Variants in PCDHGB2 observed in about 807,000 individuals in gnomAD.
PCDHGB2 encodes the protein protocadherin gamma-B2.
Under a neutral mutation model 59.3 loss-of-function variants are expected in PCDHGB2, and 55 were observed. That is an observed-to-expected ratio of 0.93 (90% CI 0.75 to 1.16). PCDHGB2 has a LOEUF of 1.16. Ranked by LOEUF, PCDHGB2 falls within the 50% of genes most tolerant of loss-of-function variation. The probability of loss-of-function intolerance (pLI) is 0.00; values close to 1 mark genes in which losing one functional copy is unlikely to be tolerated. For synonymous variants in PCDHGB2, 516 were observed against 512.0 expected, an observed-to-expected ratio of 1.01 and a Z score of -0.11; for missense variants, 1,228 against 1,198.5, an observed-to-expected ratio of 1.02 and a Z score of -0.36.
chr5:141,405,265 C>T lies in PCDHGB2; in HGVS notation c.2421+42709C>T, dbSNP rs769240639. The T allele has an allele frequency of 4.3e-6, 7 of 1,614,106 alleles. No homozygotes were observed. In the Admixed American group the frequency reaches 1.2e-4, roughly 27 times the overall value. Reference sequence around the variant, plus strand: ...CAAGGAAGAGTCACCTGATCTTCCCCCAGCCCAACTATGCAGACACACTCA... The same window carrying T: ...CAAGGAAGAGTCACCTGATCTTCCCTCAGCCCAACTATGCAGACACACTCA... On this transcript the variant is annotated intron_variant, in intron 1 of 3. Coordinates refer to ENST00000522605, the MANE Select transcript of PCDHGB2 (RefSeq NM_018923.3).
At chr5:141,411,189 T>C (rs1222862554) in intron 1 of PCDHGB2, 1 of 152,208 alleles carries the variant, frequency 6.6e-6, no homozygotes, top group Non-Finnish European at 1.5e-5. Context: ...TCTTGGCATC[T>C]AAGAAAACAA....
At chr5:141,421,434 C>T (rs1247535353) in intron 1 of PCDHGB2, 1 of 1,613,980 alleles carries the variant, frequency 6.2e-7, no homozygotes, top group Non-Finnish European at 8.5e-7. Context: ...GCATCGTCTC[C>T]AGAGGGAAGA....
At chr5:141,370,986 G>A in intron 1 of PCDHGB2, 2 of 1,613,992 alleles carry the variant, frequency 1.2e-6, no homozygotes, top group Non-Finnish European at 1.7e-6. Context: ...AGTACTGAAA[G>A]CACCCCTGGA....
At chr5:141,415,255 A>G (rs908329007) in intron 1 of PCDHGB2, 1 of 1,613,620 alleles carries the variant, frequency 6.2e-7, no homozygotes, top group African/African-American at 1.3e-5. Context: ...CTCAGACCTC[A>G]CTCTGTACCT....
intron 1 of PCDHGB2, chr5:141,390,229 C>T (rs781367582): frequency 6.2e-7 from 1 of 1,614,056 alleles, no homozygotes; most frequent in South Asian, 1.1e-5. Flanking sequence ...TGCGGTGATT[C>T]ATCTGGGGCC....
At position 141,476,002 on chromosome 5, in the gene PCDHGB2, C is replaced by A; in HGVS notation, c.2422-18805C>A. 1 of 1,247,396 alleles carries A rather than the reference C, an allele frequency of 8.0e-7. No individual in the cohort carries two copies. Among genetic ancestry groups the A allele is most frequent in the Non-Finnish European group, 1.1e-6 (1 of 904,880 alleles). 77.3% of individuals were successfully genotyped at this position (1,247,396 alleles called of 1,614,324 possible). ...AGCCGGCGAGCAAATCAACGGCATC[C>A]AGAAAGCCATGTCGGACTCGGCGCC... On this transcript the variant is annotated intron_variant, in intron 1 of 3. Transcript: ENST00000522605. This position sits in a 1 kb window ranked among gnomAD's most constrained non-coding sequence, Gnocchi z 7.6.
intron 1 of PCDHGB2, chr5:141,430,569 G>A (rs1252716330): frequency 4.5e-6 from 2 of 439,930 alleles, no homozygotes; most frequent in African/African-American, 4.1e-5. Flanking sequence ...GGAGAGAAAA[G>A]CGGAGATCCT....
chr5:141,507,023 C>T (rs971356315), intron 3 of PCDHGB2: 16 of 152,348 alleles, frequency 1.1e-4, no homozygotes, highest in African/African-American at 2.4e-4. Flanking sequence ...AAGGCACTTG[C>T]CCCAGGGTCC....
In PCDHGB2 at chr5:141,490,442, A is replaced by T. The variant is rs757900187; in HGVS notation, c.2422-4365A>T. On this transcript the variant is annotated intron_variant, in intron 1 of 3. Transcript: ENST00000522605. The surrounding 1 kb of genome is among the most constrained non-coding windows in gnomAD (Gnocchi z 5.4). ...CTGCCATTTCAGATTAAGCCTTCTG[A>T]GAACCACTACTCGCTGCTAACCAGC... 16 of 1,614,092 alleles carry T rather than the reference A, an allele frequency of 9.9e-6. No individual in the cohort carries two copies. Among genetic ancestry groups the T allele is most frequent in the Non-Finnish European group, 1.2e-5 (14 of 1,180,044 alleles).
chr5:141,366,006 C>A lies in PCDHGB2; in HGVS notation c.2421+3450C>A, dbSNP rs760966863. The A allele has an allele frequency of 4.3e-6, 7 of 1,614,122 alleles. No homozygotes were observed. The highest frequency in any genetic ancestry group is 5.9e-6 in the Non-Finnish European group (7 of 1,180,046). On this transcript the variant is annotated intron_variant, in intron 1 of 3. Transcript: ENST00000522605. Reference sequence around the variant, plus strand: ...TTTGTGCTGGACCAGAACGACAATACGCCTGAGATCCTGTACCCCGCCCTC... The same window carrying A: ...TTTGTGCTGGACCAGAACGACAATAAGCCTGAGATCCTGTACCCCGCCCTC...
intron 1 of PCDHGB2, among the ~76,000 whole-genome samples, chr5:141,455,570 A>T (rs181469693): frequency 2.6e-5 from 4 of 152,222 alleles, no homozygotes; most frequent in Non-Finnish European, 5.9e-5. Context: ...TGGCCCTCCC[A>T]CCCCAGCCTT....
chr5:141,464,680 A>T (rs747974832), intron 1 of PCDHGB2, among the ~76,000 whole-genome samples: 1 of 152,144 alleles, frequency 6.6e-6, no homozygotes, highest in African/African-American at 2.4e-5. Context: ...TTTTAATTAA[A>T]ATTTCTCTTA....
chr5:141,457,701 G>A (rs1341216514), intron 1 of PCDHGB2, among the ~76,000 whole-genome samples: 1 of 152,222 alleles, frequency 6.6e-6, no homozygotes, highest in Admixed American at 6.5e-5. Context: ...TGGCTTTGAT[G>A]AAACACTGTT....
rs767291767 is a variant in PCDHGB2, at chr5:141,487,668, T to C, written c.2422-7139T>C. ...CTTGAGGGTTATTCTGATCCAGGCA[T>C]ATGGCTAGGCCATGTCCTAGAGAGT... is the stretch of plus-strand genomic sequence containing the variant. On this transcript the variant is annotated intron_variant, in intron 1 of 3. Transcript: ENST00000522605. The surrounding 1 kb of genome is among the most constrained non-coding windows in gnomAD (Gnocchi z 5.0). 1.9e-6 allele frequency: 3 copies of C among 1,612,658 alleles called. No homozygotes were observed. Among genetic ancestry groups the C allele is most frequent in the South Asian group, 1.1e-5 (1 of 90,650 alleles).
chr5:141,427,766 G>A lies in PCDHGB2; in HGVS notation c.2421+65210G>A, dbSNP rs549550151. The A allele has an allele frequency of 1.1e-4, 152 of 1,386,456 alleles. No homozygotes were observed. In the African/African-American group the frequency reaches 1.8e-3, roughly 17 times the overall value. The allele number at this position is 1,386,456 out of a possible 1,614,324, so 85.9% of individuals were successfully genotyped here. ...CCTACTCCATCGTTACCACTGACTT[G>A]GAGCTGCGGGCACTGTCGTCCTACG... On this transcript the variant is annotated intron_variant, in intron 1 of 3. Transcript: ENST00000522605.
At chr5:141,427,410 G>GA (rs1197961039) in intron 1 of PCDHGB2, 3 of 463,834 alleles carry the variant, frequency 6.5e-6, no homozygotes, top group African/African-American at 2.0e-5. Flanking sequence ...AGATTCGAGA[G>GA]AAAATGGGGA....
Position 141,400,535 on chromosome 5 carries a change from T to C in PCDHGB2, c.2421+37979T>C, listed in dbSNP as rs753705723. 2.5e-6 allele frequency: 4 copies of C among 1,613,958 alleles called. No individual in the cohort carries two copies. In the South Asian group the frequency reaches 4.4e-5, roughly 18 times the overall value. ...TCCCATCCTGAGTTGGTGAGTTTCATTTATGTCTATTCTTTTTCATTACCC... is the reference window on the plus strand; with the variant it reads ...TCCCATCCTGAGTTGGTGAGTTTCACTTATGTCTATTCTTTTTCATTACCC... On this transcript the variant is annotated intron_variant, in intron 1 of 3. Transcript: ENST00000522605.
intron 1 of PCDHGB2, chr5:141,413,287 T>C (rs937508313): frequency 6.2e-7 from 1 of 1,613,950 alleles, no homozygotes. Flanking sequence ...GATCTCCTAC[T>C]CAATTCCTGA....
intron 2 of PCDHGB2, among the ~76,000 whole-genome samples, chr5:141,503,851 A>C (rs1484022055): frequency 6.6e-6 from 1 of 152,116 alleles, no homozygotes; most frequent in Non-Finnish European, 1.5e-5. Context: ...CCTTGGAAAA[A>C]TTGTAAAGCA....
Sources: gnomAD v4.1 joint callset for allele counts (sites outside exome capture counted in the v4.1 genomes callset) on GRCh38, gnomAD v4.1.1 for gene constraint, Gnocchi (gnomAD v3.1) non-coding constraint, MANE v1.5 for transcripts, NCBI Gene and HGNC (gene_info 2026-07-23, HGNC 2026-07-21) for gene names.